The following ETS1 variants were observed in gnomAD, a reference collection of about 807,000 sequenced individuals.
ETS1 encodes the protein protein C-ets-1.
Under a neutral mutation model 58.6 loss-of-function variants are expected in ETS1, and 15 were observed. The ratio of observed to expected loss-of-function variants is 0.26; its 90% CI spans 0.17 to 0.39. The LOEUF (loss-of-function observed/expected upper bound fraction) is 0.39. Among genes scored for constraint, ETS1 ranks in the 10% least tolerant of loss-of-function variants. The pLI is 1.00. For synonymous variants in ETS1, 214 were observed against 218.2 expected (o/e 0.98, Z 0.17); for missense variants, 417 against 610.5 (o/e 0.68, Z 3.34).
intron 7 of ETS1, among the ~76,000 whole-genome samples, chr11:128,483,328 A>G (rs868328339): frequency 7.9e-5 from 12 of 152,198 alleles, no homozygotes; most frequent in African/African-American, 2.9e-4. Flanking sequence ...GCCAGATGCA[A>G]TTTCAAAACA....
chr11:128,516,203 C>T (rs1863519115), intron 3 of ETS1, among the ~76,000 whole-genome samples: 1 of 152,188 alleles, frequency 6.6e-6, no homozygotes, highest in Non-Finnish European at 1.5e-5. Context: ...AAAACATCCA[C>T]TGAAGTTTTG....
chr11:128,463,420 G>T lies in ETS1; in HGVS notation c.1242+89C>A. The T allele has an allele frequency of 1.3e-6, 1 of 776,804 alleles. No individual in the cohort carries two copies. The highest frequency in any genetic ancestry group is 1.5e-5 in the South Asian group (1 of 64,688). The allele number at this position is 776,804 out of a possible 1,614,324, so 48.1% of individuals were successfully genotyped here. On this transcript the variant is annotated intron_variant, in intron 9 of 9. Coordinates refer to ENST00000392668, the MANE Select transcript of ETS1 (RefSeq NM_001143820.2). The surrounding 1 kb of genome is among the most constrained non-coding windows in gnomAD (Gnocchi z 4.1). ...GGCAGAGCTGGGAATCCCAATCCTG[G>T]AACACGTCATTCAGGCCCACGCCAC...
At chr11:128,516,578 C>T (rs1863530400) in intron 3 of ETS1, among the ~76,000 whole-genome samples, 1 of 152,140 alleles carries the variant, frequency 6.6e-6, no homozygotes, top group Non-Finnish European at 1.5e-5. Context: ...ATGCCTTAAC[C>T]TTAAACAAGT....
intron 2 of ETS1, among the ~76,000 whole-genome samples, chr11:128,565,668 C>T (rs1864481557): frequency 6.6e-6 from 1 of 152,186 alleles, no homozygotes; most frequent in African/African-American, 2.4e-5. Context: ...TTTCTTCTTT[C>T]CTTCAATTTC....
At chr11:128,567,287 C>A (rs1287296377) in intron 2 of ETS1, among the ~76,000 whole-genome samples, 1 of 152,216 alleles carries the variant, frequency 6.6e-6, no homozygotes, top group African/African-American at 2.4e-5. Flanking sequence ...GACAGCCTCC[C>A]TGGGGTCCCT....
chr11:128,572,944 G>A (rs910693334), intron 2 of ETS1, 118 bp downstream of exon 2: 16 of 706,418 alleles, frequency 2.3e-5, no homozygotes, highest in South Asian at 3.4e-5. Flanking sequence ...AAGCTGATTC[G>A]AACCTTGGAG....
chr11:128,496,102 A>G, intron 3 of ETS1, among the ~76,000 whole-genome samples: 1 of 152,164 alleles, frequency 6.6e-6, no homozygotes, highest in South Asian at 2.1e-4. Context: ...AAGGGAGATC[A>G]TAGAGTTAAA....
At chr11:128,552,908 A>G (rs769916263) in intron 3 of ETS1, among the ~76,000 whole-genome samples, 1 of 152,242 alleles carries the variant, frequency 6.6e-6, no homozygotes, top group Non-Finnish European at 1.5e-5. Flanking sequence ...GTGAGCTCTT[A>G]GAGACAGGAG....
At chr11:128,574,322 C>G (rs1376962643) in intron 1 of ETS1, among the ~76,000 whole-genome samples, 1 of 152,170 alleles carries the variant, frequency 6.6e-6, no homozygotes, top group Non-Finnish European at 1.5e-5. Context: ...TTTCTTATGT[C>G]TTTTCTTCCA....
intron 2 of ETS1, 37 bp from the exon 3 acceptor site, chr11:128,556,472 G>T: frequency 4.1e-6 from 6 of 1,448,896 alleles, no homozygotes; most frequent in Non-Finnish European, 5.6e-6. Flanking sequence ...ATATTAGGAG[G>T]AAAATCTCTG....
At chr11:128,469,892 A>G (rs920264334) in intron 8 of ETS1, among the ~76,000 whole-genome samples, 5 of 152,232 alleles carry the variant, frequency 3.3e-5, no homozygotes, top group African/African-American at 9.6e-5. Context: ...ATAACATTCT[A>G]TAACTGGCCA....
At chr11:128,566,566 G>A (rs889287857) in intron 2 of ETS1, among the ~76,000 whole-genome samples, 11 of 152,104 alleles carry the variant, frequency 7.2e-5, no homozygotes, top group Non-Finnish European at 1.0e-4. Flanking sequence ...GGCAGATCAC[G>A]AGGTCAGGAG....
At chr11:128,540,485 TAAA>T (rs200189321) in intron 3 of ETS1, among the ~76,000 whole-genome samples, 1 of 148,756 alleles carries the variant, frequency 6.7e-6, no homozygotes, top group African/African-American at 2.5e-5. Context: ...ATAAACCGTT[TAAA>T]AAAAAAAGTT....
intron 2 of ETS1, among the ~76,000 whole-genome samples, chr11:128,566,362 T>C (rs1864494728): frequency 6.6e-6 from 1 of 152,210 alleles, no homozygotes; most frequent in African/African-American, 2.4e-5. Context: ...GTGGAGGCGC[T>C]TGACAAGCAT....
At chr11:128,566,696 T>C (rs913512103) in intron 2 of ETS1, among the ~76,000 whole-genome samples, 6 of 149,096 alleles carry the variant, frequency 4.0e-5, no homozygotes, top group Middle Eastern at 3.5e-3. Context: ...GGCAGGAGAA[T>C]GGCGTGAATC....
At chr11:128,462,793 T>C (rs1424155081) in intron 9 of ETS1, among the ~76,000 whole-genome samples, 1 of 152,194 alleles carries the variant, frequency 6.6e-6, no homozygotes, top group Non-Finnish European at 1.5e-5. Flanking sequence ...TCACAATGAT[T>C]CTTTAAGTTG....
chr11:128,549,864 G>C lies in ETS1; in HGVS notation c.214+6427C>G, dbSNP rs1441360428. On this transcript the variant is annotated intron_variant, in intron 3 of 9. Transcript: ENST00000392668. This position sits in a 1 kb window ranked among gnomAD's most constrained non-coding sequence, Gnocchi z 4.3. ...CCTCTCCTTTGGCTGGTGAAATGAG[G>C]CACAGTGGGCAGATGCTAGCACATT... Among the ~76,000 whole-genome samples, 2 of 152,162 alleles carry C rather than the reference G, an allele frequency of 1.3e-5. No homozygotes were observed. Among genetic ancestry groups the C allele is most frequent in the Non-Finnish European group, 2.9e-5 (2 of 68,020 alleles).
chr11:128,567,261 A>G (rs1864522469), intron 2 of ETS1, among the ~76,000 whole-genome samples: 1 of 152,228 alleles, frequency 6.6e-6, no homozygotes, highest in South Asian at 2.1e-4. Context: ...GCCAATGCCC[A>G]GAGCTGGCAA....
chr11:128,525,777 G>GT (rs1035913835), intron 3 of ETS1, among the ~76,000 whole-genome samples: 1 of 152,180 alleles, frequency 6.6e-6, no homozygotes, highest in African/African-American at 2.4e-5. Flanking sequence ...TATGTGAGAA[G>GT]TTTAGTCATT....
Sources: gnomAD v4.1 joint callset for allele counts (sites outside exome capture counted in the v4.1 genomes callset) on GRCh38, gnomAD v4.1.1 for gene constraint, Gnocchi (gnomAD v3.1) non-coding constraint, MANE v1.5 for transcripts, NCBI Gene and HGNC (gene_info 2026-07-23, HGNC 2026-07-21) for gene names.